Variants in ASPH observed in about 807,000 individuals in gnomAD.
ASPH encodes the protein aspartyl/asparaginyl beta-hydroxylase.
ASPH carries 100 observed loss-of-function variants against 118.4 expected under a neutral mutation model. The ratio of observed to expected loss-of-function variants is 0.84; its 90% CI spans 0.72 to 1.00. The LOEUF (loss-of-function observed/expected upper bound fraction) is 1.00. Among genes scored for constraint, ASPH ranks in the 50% least tolerant of loss-of-function variants. ASPH has a pLI of 0.00. For synonymous variants in ASPH, 315 were observed against 325.6 expected, an observed-to-expected ratio of 0.97 and a Z score of 0.35; for missense variants, 920 against 919.5, an observed-to-expected ratio of 1.00 and a Z score of -0.01.
chr8:61,609,820 T>C (rs533747726), intron 14 of ASPH, among the ~76,000 whole-genome samples: 55 of 152,348 alleles, frequency 3.6e-4, no homozygotes, highest in African/African-American at 1.2e-3. Flanking sequence ...TTCAAACTAA[T>C]GTACTCACCA....
intron 24 of ASPH, among the ~76,000 whole-genome samples, chr8:61,513,676 G>A (rs1184479119): frequency 1.3e-5 from 2 of 152,146 alleles, no homozygotes; most frequent in Non-Finnish European, 2.9e-5. Flanking sequence ...TACATCGTCT[G>A]CAAATTATTA....
chr8:61,643,299 TA>T, intron 9 of ASPH, 86 bp downstream of exon 9: 1 of 1,375,190 alleles, frequency 7.3e-7, no homozygotes. Flanking sequence ...TTGATGCCTT[TA>T]AAAGAAAAAT....
At chr8:61,518,368 G>C (rs1489010191) in intron 22 of ASPH, among the ~76,000 whole-genome samples, 1 of 152,186 alleles carries the variant, frequency 6.6e-6, no homozygotes, top group Non-Finnish European at 1.5e-5. Context: ...TTCACTCGGT[G>C]TTGGACTATT....
chr8:61,576,086 T>A (rs1835041391), intron 16 of ASPH, among the ~76,000 whole-genome samples: 1 of 152,236 alleles, frequency 6.6e-6, no homozygotes, highest in Non-Finnish European at 1.5e-5. Context: ...CTGGGCCTCC[T>A]GTCTCTGTGA....
intron 24 of ASPH, 65 bp downstream of exon 24, chr8:61,517,463 A>G (rs1811331313): frequency 1.9e-6 from 3 of 1,579,822 alleles, no homozygotes; most frequent in South Asian, 2.3e-5. Context: ...AAGGAACACA[A>G]CTGTGTTGTA....
At chr8:61,640,678 G>A (rs1406636324) in intron 10 of ASPH, among the ~76,000 whole-genome samples, 1 of 152,140 alleles carries the variant, frequency 6.6e-6, no homozygotes, top group Non-Finnish European at 1.5e-5. Flanking sequence ...TAAAATATAA[G>A]ATCCATGAGA....
chr8:61,604,521 G>A (rs541840610), intron 14 of ASPH, among the ~76,000 whole-genome samples: 43 of 152,080 alleles, frequency 2.8e-4, no homozygotes, highest in South Asian at 1.0e-3. Context: ...AATTATAGAC[G>A]ATCATGTTTT....
intron 1 of ASPH, among the ~76,000 whole-genome samples, chr8:61,695,724 C>T (rs746370562): frequency 2.6e-5 from 4 of 152,204 alleles, no homozygotes; most frequent in Non-Finnish European, 4.4e-5. Context: ...GAATCTGCCA[C>T]GTTCATTACT....
chr8:61,705,779 GA>G lies in ASPH; in HGVS notation c.103+8489del, dbSNP rs759510568. Reference sequence around the variant, plus strand: ...CTACGTGAAAATTTTACCTCAGAGGGAAAAAAAAACAAATGCTAAGCTCTAG... The same window carrying G: ...CTACGTGAAAATTTTACCTCAGAGGGAAAAAAAACAAATGCTAAGCTCTAG... On this transcript the variant is annotated intron_variant, in intron 1 of 24. Transcript: ENST00000379454. Among the ~76,000 whole-genome samples the G allele has an allele frequency of 2.4e-4, 36 of 149,620 alleles. 1 individual carries two copies. The highest frequency in any genetic ancestry group is 3.9e-4 in the East Asian group (2 of 5,120).
intron 14 of ASPH, among the ~76,000 whole-genome samples, chr8:61,596,125 G>A (rs1317007111): frequency 9.2e-5 from 14 of 152,118 alleles, no homozygotes; most frequent in Admixed American, 9.2e-4. Context: ...CTGGGAACCT[G>A]GAGATTGGTT....
chr8:61,665,704 C>T, intron 3 of ASPH: 1 of 1,265,260 alleles, frequency 7.9e-7, no homozygotes, highest in South Asian at 1.7e-5. Context: ...TTTTATCTCT[C>T]CACACACAGG....
At chr8:61,506,439 A>G (rs1806597240) in intron 24 of ASPH, among the ~76,000 whole-genome samples, 1 of 152,224 alleles carries the variant, frequency 6.6e-6, no homozygotes, top group African/African-American at 2.4e-5. Context: ...TAATGTCACT[A>G]AACTGCACAC....
chr8:61,571,933 A>G (rs1039075340), intron 16 of ASPH, among the ~76,000 whole-genome samples: 3 of 152,240 alleles, frequency 2.0e-5, no homozygotes, highest in African/African-American at 7.2e-5. Context: ...TAGCAATTTC[A>G]GAGAATTACT....
At chr8:61,619,603 A>C (rs1289333068) in intron 13 of ASPH, among the ~76,000 whole-genome samples, 1 of 152,198 alleles carries the variant, frequency 6.6e-6, no homozygotes, top group Non-Finnish European at 1.5e-5. Flanking sequence ...AATCACAGTC[A>C]GTGTCTCTCC....
chr8:61,579,181 T>C (rs561348481), intron 15 of ASPH: 34 of 1,612,566 alleles, frequency 2.1e-5, no homozygotes, highest in Admixed American at 2.0e-4. Flanking sequence ...CAGGCTGAGA[T>C]TGAGGGCCTC....
intron 3 of ASPH, chr8:61,665,659 TCA>T (rs1437038455): frequency 2.8e-5 from 42 of 1,499,970 alleles, no homozygotes; most frequent in Non-Finnish European, 3.5e-5. Flanking sequence ...GATCTCTTAA[TCA>T]CAGAACAGGA....
chr8:61,569,754 A>C lies in ASPH; in HGVS notation c.1150-2436T>G, dbSNP rs182944785. The stretch of plus-strand genomic sequence containing the variant: ...TAGAAAAGGAAATTCACCCTTGCTA[A>C]ATGGAGATATGCTCCAGACCATTCA... On this transcript the variant is annotated intron_variant, in intron 16 of 24. Coordinates refer to ENST00000379454, the MANE Select transcript of ASPH (RefSeq NM_004318.4). Among the ~76,000 whole-genome samples, 280 of 152,352 alleles carry C rather than the reference A, an allele frequency of 1.8e-3. 3 individuals carry two copies. The highest frequency in any genetic ancestry group is 1.7e-3 in the Non-Finnish European group (114 of 68,030).
At chr8:61,629,849 T>C (rs556788760) in intron 13 of ASPH, among the ~76,000 whole-genome samples, 1 of 152,340 alleles carries the variant, frequency 6.6e-6, no homozygotes, top group East Asian at 1.9e-4. Flanking sequence ...CAGCTGACAG[T>C]GTGGACTCTG....
chr8:61,577,645 C>A (rs575315990), intron 15 of ASPH, among the ~76,000 whole-genome samples: 1 of 152,120 alleles, frequency 6.6e-6, no homozygotes, highest in Non-Finnish European at 1.5e-5. Flanking sequence ...GCGATTGTGG[C>A]AGAAGGCAAA....
Sources: allele counts gnomAD v4.1 joint callset (sites outside exome capture counted in the v4.1 genomes callset), GRCh38; gene constraint gnomAD v4.1.1; transcripts MANE v1.5; gene names NCBI Gene and HGNC (gene_info 2026-07-23, HGNC 2026-07-21).